The following BAZ1B variants were observed in gnomAD, a reference collection of about 807,000 sequenced individuals.
BAZ1B encodes bromodomain adjacent to zinc finger domain 1B, also known as tyrosine-protein kinase BAZ1B.
In BAZ1B, 22 loss-of-function variants were observed where a neutral mutation model predicts 153.8. That is an observed-to-expected ratio of 0.14 (90% CI 0.10 to 0.20). The LOEUF is 0.20. Ranked by LOEUF, BAZ1B falls within the 10% of genes least tolerant of loss-of-function variation. The pLI is 1.00. For missense variants in BAZ1B, 1,325 were observed against 1,799.3 expected, an observed-to-expected ratio of 0.74 and a Z score of 4.77; for synonymous variants, 676 against 633.4, an observed-to-expected ratio of 1.07 and a Z score of -1.01.
chr7:73,459,593 T>C lies in BAZ1B; in HGVS notation c.3375A>G (p.Glu1125=), dbSNP rs1554570056. ...PKQKRRKLQS[E]DSAKTEEVDE... is the part of the protein sequence containing the mutation. ...CCACTTCCTCAGTTTTTGCTGAATC[T>C]TCACTTTGGAGTTTTCTTCTCTTTT... The change falls in exon 13 of 20, where the codon GAA becomes GAG. Residue 1125 remains glutamate, a synonymous_variant. Transcript: ENST00000339594. 1.2e-6 allele frequency: 2 copies of C among 1,614,100 alleles called. No homozygotes were observed. The highest frequency in any genetic ancestry group is 1.1e-5 in the South Asian group (1 of 91,084).
intron 12 of BAZ1B, among the ~76,000 whole-genome samples, chr7:73,460,275 C>T (rs1788351726): frequency 6.6e-6 from 1 of 152,004 alleles, no homozygotes; most frequent in African/African-American, 2.4e-5. Context: ...CAGAAGCCCC[C>T]CCACATAAAG....
At chr7:73,498,303 T>C (rs1451401945) in intron 4 of BAZ1B, among the ~76,000 whole-genome samples, 194 bp downstream of exon 4, 1 of 152,154 alleles carries the variant, frequency 6.6e-6, no homozygotes, top group African/African-American at 2.4e-5. Flanking sequence ...GACTTCCCAA[T>C]GGTCTTAATT....
chr7:73,469,534 T>C lies in BAZ1B; in HGVS notation c.2849A>G (p.Glu950Gly). The change falls in exon 9 of 20, where the codon GAG becomes GGG. Residue 950 changes from glutamate (E) to glycine (G), a missense_variant. Glu to Gly is a moderately conservative substitution (Grantham distance 98). This residue lies in a region of BAZ1B where 431 missense variants were observed against 563.5 expected (regional missense o/e 0.76). Transcript: ENST00000339594. ...ATACTCACTGCGAGGACAGTAATCCTCATCACCAGAGACTGTGTGGTCTTT... is the reference window on the plus strand; with the variant it reads ...ATACTCACTGCGAGGACAGTAATCCCCATCACCAGAGACTGTGTGGTCTTT... ...HCKDHTVSGD[E>G]DYCPRSKKAN... 1.2e-6 allele frequency: 2 copies of C among 1,614,224 alleles called. No individual in the cohort carries two copies. Among genetic ancestry groups the C allele is most frequent in the Non-Finnish European group, 1.7e-6 (2 of 1,180,036 alleles).
At chr7:73,442,122 C>CT in intron 19 of BAZ1B, 59 bp downstream of exon 19, 1 of 1,075,558 alleles carries the variant, frequency 9.3e-7, no homozygotes. Flanking sequence ...GGTTCTTGGT[C>CT]TTCCTCGCTC....
chr7:73,469,452 C>T, intron 9 of BAZ1B, 65 bp downstream of exon 9: 1 of 1,573,482 alleles, frequency 6.4e-7, no homozygotes, highest in South Asian at 1.1e-5. Context: ...AGAGGAAAAG[C>T]AGTCCTTAAT....
Position 73,443,970 on chromosome 7 carries a change from T to C in BAZ1B, c.3990+14A>G, listed in dbSNP as rs1264968028. ...AACAGAAAGGTTAGAGAAGGGATGA[T>C]AAATAATTCTCACCAGCTCATCCAC... On this transcript the variant is annotated intron_variant, in intron 17 of 19. Transcript: ENST00000339594. 9.9e-6 allele frequency: 16 copies of C among 1,612,998 alleles called. No homozygotes were observed. Among genetic ancestry groups the C allele is most frequent in the Admixed American group, 1.7e-5 (1 of 59,842 alleles).
intron 13 of BAZ1B, among the ~76,000 whole-genome samples, chr7:73,452,724 GAA>G (rs1268068593): frequency 4.9e-5 from 4 of 81,902 alleles, no homozygotes; most frequent in Admixed American, 1.5e-4. Flanking sequence ...TTCATCTCGA[GAA>G]AAAAAAAAAA....
intron 1 of BAZ1B, among the ~76,000 whole-genome samples, chr7:73,517,988 A>C (rs1790879413): frequency 1.3e-5 from 2 of 152,228 alleles, no homozygotes; most frequent in Non-Finnish European, 2.9e-5. Context: ...AGAGTGAGCC[A>C]ACTCAAGATT....
chr7:73,511,555 T>C (rs1420261034), intron 1 of BAZ1B, among the ~76,000 whole-genome samples: 1 of 151,854 alleles, frequency 6.6e-6, no homozygotes, highest in Non-Finnish European at 1.5e-5. Context: ...ACAAAAAAAA[T>C]TAATATTTTA....
At chr7:73,519,641 T>G (rs1328017249) in intron 1 of BAZ1B, among the ~76,000 whole-genome samples, 1 of 152,224 alleles carries the variant, frequency 6.6e-6, no homozygotes, top group Non-Finnish European at 1.5e-5. Flanking sequence ...ATATTTCAAT[T>G]TCATTCATTC....
At position 73,510,865 on chromosome 7, in the gene BAZ1B, G is replaced by T; in HGVS notation, c.108-13C>A. On this transcript the variant is annotated splice_polypyrimidine_tract_variant and intron_variant, in intron 1 of 19. Transcript: ENST00000339594. ...GGCTTCATACTCTCTGTTGGCAGTA[G>T]TTCAGGAAAACAATATGCAAGCAAC... 6.2e-7 allele frequency: 1 copy of T among 1,609,638 alleles called. No individual in the cohort carries two copies. The highest frequency in any genetic ancestry group is 8.5e-7 in the Non-Finnish European group (1 of 1,176,182).
At chr7:73,481,207 G>T (rs1279025322) in intron 6 of BAZ1B, among the ~76,000 whole-genome samples, 1 of 148,840 alleles carries the variant, frequency 6.7e-6, no homozygotes, top group Admixed American at 6.7e-5. Context: ...ACAGGCATGA[G>T]CCACCCAGCC....
At chr7:73,511,054 G>A (rs560077237) in intron 1 of BAZ1B, among the ~76,000 whole-genome samples, 19 of 152,094 alleles carry the variant, frequency 1.2e-4, no homozygotes, top group African/African-American at 1.2e-4. Context: ...GGCGGATCAC[G>A]AGGTCAGATC....
intron 13 of BAZ1B, among the ~76,000 whole-genome samples, chr7:73,453,618 C>A (rs1455161484): frequency 6.6e-6 from 1 of 152,180 alleles, no homozygotes; most frequent in African/African-American, 2.4e-5. Flanking sequence ...AGAGATTTAG[C>A]TAAGGAGACT....
At chr7:73,504,582 T>C (rs1180760945) in intron 3 of BAZ1B, among the ~76,000 whole-genome samples, 2 of 152,096 alleles carry the variant, frequency 1.3e-5, no homozygotes, top group African/African-American at 4.8e-5. Flanking sequence ...GAGAATGGTA[T>C]GAACCCGGGA....
chr7:73,514,430 G>A (rs1388853711), intron 1 of BAZ1B, among the ~76,000 whole-genome samples: 1 of 151,980 alleles, frequency 6.6e-6, no homozygotes, highest in Non-Finnish European at 1.5e-5. Context: ...CTACTCGGGA[G>A]GCTGATGCAG....
chr7:73,454,166 A>AT, intron 13 of BAZ1B, among the ~76,000 whole-genome samples: 1 of 151,328 alleles, frequency 6.6e-6, no homozygotes, highest in Middle Eastern at 3.4e-3. Flanking sequence ...AAATAAATAA[A>AT]AATTTAAAAA....
intron 2 of BAZ1B, among the ~76,000 whole-genome samples, chr7:73,510,377 C>T (rs915081646): frequency 2.6e-5 from 4 of 151,900 alleles, no homozygotes; most frequent in African/African-American, 7.3e-5. Flanking sequence ...TGCAGTGAGC[C>T]GAGATCGTGC....
chr7:73,520,509 C>T (rs1790992853), intron 1 of BAZ1B, among the ~76,000 whole-genome samples: 1 of 152,046 alleles, frequency 6.6e-6, no homozygotes. Flanking sequence ...AACAAGTCAA[C>T]CTCCACTCTC....
Sources: allele counts gnomAD v4.1 joint callset (sites outside exome capture counted in the v4.1 genomes callset), GRCh38; gene constraint gnomAD v4.1.1; regional missense constraint gnomAD v4.1.1; transcripts MANE v1.5; gene names NCBI Gene and HGNC (gene_info 2026-07-23, HGNC 2026-07-21).